Variants in CTDSPL2 observed in about 807,000 individuals in gnomAD.
CTDSPL2 encodes CTD small phosphatase-like protein 2.
In CTDSPL2, 5 loss-of-function variants were observed where a neutral mutation model predicts 60.0. The ratio of observed to expected loss-of-function variants is 0.08; its 90% CI spans 0.04 to 0.18. The LOEUF (loss-of-function observed/expected upper bound fraction) is 0.18. CTDSPL2 is among the 10% of genes least tolerant of loss of function. The probability of loss-of-function intolerance (pLI) is 1.00; values close to 1 mark genes in which losing one functional copy is unlikely to be tolerated. For synonymous variants in CTDSPL2, 186 were observed against 189.3 expected (o/e 0.98, Z 0.14); for missense variants, 370 against 548.8 (o/e 0.67, Z 3.26).
chr15:44,519,034 AT>A (rs1168196775), intron 10 of CTDSPL2, 134 bp from the exon 11 acceptor site: 1 of 497,618 alleles, frequency 2.0e-6, no homozygotes, highest in Non-Finnish European at 3.3e-6. Context: ...TTAGACCCAT[AT>A]TTGTGTTTGA....
chr15:44,487,194 C>T (rs896891135), intron 4 of CTDSPL2, among the ~76,000 whole-genome samples: 3 of 152,032 alleles, frequency 2.0e-5, no homozygotes, highest in East Asian at 1.9e-4. Flanking sequence ...TGGCTGATGC[C>T]GGTAATCTGA....
At chr15:44,511,371 C>T (rs2081562244) in intron 8 of CTDSPL2, among the ~76,000 whole-genome samples, 1 of 152,152 alleles carries the variant, frequency 6.6e-6, no homozygotes, top group Admixed American at 6.6e-5. Flanking sequence ...ATCTGGAAGT[C>T]ACTGTATGAG....
At chr15:44,453,700 T>C (rs1319141715) in intron 1 of CTDSPL2, among the ~76,000 whole-genome samples, 1 of 152,014 alleles carries the variant, frequency 6.6e-6, no homozygotes, top group Admixed American at 6.6e-5. Flanking sequence ...CTTGTGATAG[T>C]TTGCTGAGAA....
At chr15:44,431,058 T>C (rs547744916) in intron 1 of CTDSPL2, among the ~76,000 whole-genome samples, 1 of 151,910 alleles carries the variant, frequency 6.6e-6, no homozygotes, top group Non-Finnish European at 1.5e-5. Context: ...CTGACCTCAG[T>C]TGATCCACCC....
intron 1 of CTDSPL2, among the ~76,000 whole-genome samples, chr15:44,432,415 G>T (rs1168904999): frequency 1.3e-5 from 2 of 151,100 alleles, no homozygotes; most frequent in Admixed American, 1.3e-4. Context: ...CGCCTCCCGG[G>T]TTCAAGCAAT....
At chr15:44,450,263 A>T (rs1208788909) in intron 1 of CTDSPL2, among the ~76,000 whole-genome samples, 2 of 152,100 alleles carry the variant, frequency 1.3e-5, no homozygotes, top group Non-Finnish European at 2.9e-5. Context: ...ACATTTAAAT[A>T]TTAAAAATAA....
intron 1 of CTDSPL2, among the ~76,000 whole-genome samples, chr15:44,438,533 G>T (rs1486779854): frequency 6.6e-6 from 1 of 152,128 alleles, no homozygotes; most frequent in East Asian, 1.9e-4. Flanking sequence ...TGATGTTTAG[G>T]ATGGCTTCTA....
intron 1 of CTDSPL2, chr15:44,447,781 T>C (rs2080247755): frequency 6.5e-6 from 1 of 152,690 alleles, no homozygotes; most frequent in East Asian, 1.9e-4. Context: ...TTCTCACAAA[T>C]ACCTGGTAGG....
chr15:44,522,617 G>C (rs956069891), intron 12 of CTDSPL2, among the ~76,000 whole-genome samples: 23 of 152,158 alleles, frequency 1.5e-4, no homozygotes, highest in African/African-American at 5.5e-4. Context: ...GCTGGGCGTA[G>C]TGGTGGGCGC....
chr15:44,466,100 A>G (rs1470647957), intron 2 of CTDSPL2, among the ~76,000 whole-genome samples: 1 of 151,834 alleles, frequency 6.6e-6, no homozygotes, highest in East Asian at 1.9e-4. Context: ...GTGCCTGGCT[A>G]ATTTTTTTAT....
At chr15:44,504,645 G>A (rs1192714501) in intron 8 of CTDSPL2, among the ~76,000 whole-genome samples, 2 of 151,720 alleles carry the variant, frequency 1.3e-5, no homozygotes, top group African/African-American at 4.8e-5. Context: ...GAGGTGAGAG[G>A]AATGCTTGAG....
At chr15:44,523,981 A>G (rs181918768) in intron 12 of CTDSPL2, 128 bp from the exon 13 acceptor site, 3 of 690,452 alleles carry the variant, frequency 4.3e-6, no homozygotes, top group East Asian at 5.4e-5. Flanking sequence ...TAGTATCTCT[A>G]TTTGGCAAAT....
At chr15:44,488,596 TGA>T (rs1436599793) in intron 4 of CTDSPL2, among the ~76,000 whole-genome samples, 3 of 152,096 alleles carry the variant, frequency 2.0e-5, no homozygotes, top group Non-Finnish European at 4.4e-5. Context: ...GCGGATCACT[TGA>T]GGTCAGGAGT....
intron 1 of CTDSPL2, among the ~76,000 whole-genome samples, chr15:44,446,879 C>G (rs2080228963): frequency 6.6e-6 from 1 of 151,108 alleles, no homozygotes; most frequent in African/African-American, 2.4e-5. Flanking sequence ...CTCAGCCTCC[C>G]AAGTTGCTGG....
intron 2 of CTDSPL2, among the ~76,000 whole-genome samples, chr15:44,468,684 C>T (rs573164573): frequency 1.3e-5 from 2 of 152,296 alleles, no homozygotes; most frequent in South Asian, 4.1e-4. Context: ...CTGTAGACGG[C>T]TACATAAATG....
At chr15:44,440,336 C>T (rs2080059237) in intron 1 of CTDSPL2, among the ~76,000 whole-genome samples, 2 of 151,778 alleles carry the variant, frequency 1.3e-5, no homozygotes, top group African/African-American at 4.8e-5. Flanking sequence ...GCTGGGATTA[C>T]AGGTGCGCAC....
intron 8 of CTDSPL2, among the ~76,000 whole-genome samples, chr15:44,511,555 C>T (rs149631715): frequency 2.0e-5 from 3 of 152,162 alleles, no homozygotes; most frequent in East Asian, 3.9e-4. Flanking sequence ...TCAAAAAATG[C>T]GAAATCTGAA....
Position 44,483,453 on chromosome 15 carries a change from G to A in CTDSPL2, c.187-771G>A, listed in dbSNP as rs531156092. Among the ~76,000 whole-genome samples, 16 of 151,876 alleles carry A rather than the reference G, an allele frequency of 1.1e-4. No individual in the cohort carries two copies. The South Asian group carries it at 1.7e-3, about 16-fold the overall frequency. On this transcript the variant is annotated intron_variant, in intron 2 of 12. Coordinates refer to ENST00000260327, the MANE Select transcript of CTDSPL2 (RefSeq NM_016396.3). ...CTCGGGAGGCTGAGGCAGGAAAATC[G>A]CCTGAACTCAGGAGGTTGAGGTTGC... is the stretch of plus-strand genomic sequence containing the variant.
At chr15:44,471,787 C>A (rs1287557180) in intron 2 of CTDSPL2, among the ~76,000 whole-genome samples, 1 of 152,046 alleles carries the variant, frequency 6.6e-6, no homozygotes, top group Non-Finnish European at 1.5e-5. Context: ...TCCTCTCTAG[C>A]CCTAAGCAGT....
Sources: gnomAD v4.1 joint callset for allele counts (sites outside exome capture counted in the v4.1 genomes callset) on GRCh38, gnomAD v4.1.1 for gene constraint, MANE v1.5 for transcripts, NCBI Gene and HGNC (gene_info 2026-07-23, HGNC 2026-07-21) for gene names.